SGCD: variants seen among roughly 807,000 people sequenced by gnomAD.
The protein encoded by SGCD is delta-sarcoglycan.
SGCD carries 18 observed loss-of-function variants against 36.6 expected under a neutral mutation model. The ratio of observed to expected loss-of-function variants is 0.49; its 90% CI spans 0.34 to 0.73. The LOEUF is 0.73. Among genes scored for constraint, SGCD ranks in the 30% least tolerant of loss-of-function variants. The pLI, the probability that SGCD is intolerant of heterozygous loss-of-function variation, is 0.01. For missense variants in SGCD, 387 were observed against 346.7 expected, an observed-to-expected ratio of 1.12 and a Z score of -0.92; for synonymous variants, 133 against 130.6, an observed-to-expected ratio of 1.02 and a Z score of -0.12.
chr5:155,767,946 G>T, the SGCD span, among the ~76,000 whole-genome samples: 1 of 152,046 alleles, frequency 6.6e-6, no homozygotes, highest in Non-Finnish European at 1.5e-5. Flanking sequence ...TGGGTGTGGT[G>T]CATCAGTCAT....
intron 4 of SGCD, among the ~76,000 whole-genome samples, chr5:156,565,507 G>A (rs1205628511): frequency 6.6e-6 from 1 of 151,734 alleles, no homozygotes; most frequent in Non-Finnish European, 1.5e-5. Flanking sequence ...TCTTTTGGGG[G>A]GATTTATTCA....
chr5:155,985,319 C>T (rs1758309577), intron 1 of SGCD, among the ~76,000 whole-genome samples: 2 of 152,144 alleles, frequency 1.3e-5, no homozygotes, highest in Non-Finnish European at 2.9e-5. Flanking sequence ...TGCTTTATGG[C>T]TGTTATCCAG....
chr5:156,471,157 T>C, intron 3 of SGCD, among the ~76,000 whole-genome samples: 1 of 152,182 alleles, frequency 6.6e-6, no homozygotes, highest in East Asian at 1.9e-4. Context: ...GAGAGAACTA[T>C]TAAAAGACAT....
chr5:156,323,384 C>T (rs146965770), upstream of SGCD, among the ~76,000 whole-genome samples: 143 of 152,220 alleles, frequency 9.4e-4, 1 homozygote, highest in African/African-American at 2.5e-3. Flanking sequence ...ATCTGAAACA[C>T]GATGGAGAGA....
intron 7 of SGCD, among the ~76,000 whole-genome samples, chr5:156,749,061 G>A (rs1364545049): frequency 6.6e-6 from 1 of 151,918 alleles, no homozygotes; most frequent in Non-Finnish European, 1.5e-5. Context: ...CATTGAGCCC[G>A]GGCTCAATTT....
chr5:156,359,981 C>G (rs1466241956), intron 3 of SGCD, among the ~76,000 whole-genome samples: 2 of 152,174 alleles, frequency 1.3e-5, no homozygotes, highest in African/African-American at 2.4e-5. Flanking sequence ...ATTCTTGGTT[C>G]ATTTTCCATT....
the SGCD span, among the ~76,000 whole-genome samples, chr5:155,748,363 A>AT: frequency 6.6e-6 from 1 of 152,060 alleles, no homozygotes; most frequent in African/African-American, 2.4e-5. Context: ...TAATTTATAT[A>AT]ATATCCTGAT....
At chr5:155,746,043 A>G in the SGCD span, among the ~76,000 whole-genome samples, 1 of 152,212 alleles carries the variant, frequency 6.6e-6, no homozygotes, top group African/African-American at 2.4e-5. Context: ...TTATAAAAAC[A>G]TTGTTTATAA....
At chr5:155,884,061 G>C (rs2113301046) in intron 1 of SGCD, among the ~76,000 whole-genome samples, 1 of 152,204 alleles carries the variant, frequency 6.6e-6, no homozygotes, top group Admixed American at 6.5e-5. Context: ...AATGTTATTA[G>C]CACCTCTATT....
At chr5:156,179,559 A>G (rs914612206) in intron 3 of SGCD, among the ~76,000 whole-genome samples, 23 of 151,980 alleles carry the variant, frequency 1.5e-4, no homozygotes, top group African/African-American at 4.1e-4. Context: ...ATTGCCCTCC[A>G]TATAGATTGT....
At chr5:155,877,535 A>G (rs182343123) in intron 1 of SGCD, among the ~76,000 whole-genome samples, 8 of 152,220 alleles carry the variant, frequency 5.3e-5, no homozygotes, top group African/African-American at 1.9e-4. Flanking sequence ...AGAGGTTATG[A>G]CAGTGCCCAG....
At chr5:156,108,040 A>C (rs1761691703) in intron 1 of SGCD, among the ~76,000 whole-genome samples, 1 of 152,090 alleles carries the variant, frequency 6.6e-6, no homozygotes, top group South Asian at 2.1e-4. Context: ...CATTTTATAA[A>C]AGGAATGAAG....
intron 2 of SGCD, among the ~76,000 whole-genome samples, chr5:156,343,895 A>G (rs554762998): frequency 3.9e-5 from 6 of 152,178 alleles, no homozygotes; most frequent in Non-Finnish European, 8.8e-5. Flanking sequence ...GGTATTTACT[A>G]GACTATCACT....
At chr5:155,996,016 A>C (rs1332786833) in intron 1 of SGCD, among the ~76,000 whole-genome samples, 5 of 87,650 alleles carry the variant, frequency 5.7e-5, no homozygotes, top group African/African-American at 1.5e-4. Context: ...AAGAACTTAC[A>C]AAAAAAAAAA....
the SGCD span, among the ~76,000 whole-genome samples, chr5:155,734,265 G>A: frequency 2.0e-5 from 3 of 151,318 alleles, no homozygotes; most frequent in East Asian, 1.9e-4. Flanking sequence ...GAGTTCAGTG[G>A]TACCATCTTG....
chr5:155,922,670 T>C (rs2113377145), intron 1 of SGCD, among the ~76,000 whole-genome samples: 1 of 152,274 alleles, frequency 6.6e-6, no homozygotes, highest in East Asian at 1.9e-4. Flanking sequence ...TGTGGGTATA[T>C]TTTTCAGCAC....
chr5:155,890,899 G>A (rs953298994), intron 1 of SGCD, among the ~76,000 whole-genome samples: 3 of 152,102 alleles, frequency 2.0e-5, no homozygotes, highest in Non-Finnish European at 4.4e-5. Flanking sequence ...GCCTAGCTTA[G>A]GTCATATGCC....
intron 7 of SGCD, among the ~76,000 whole-genome samples, chr5:156,732,655 T>C (rs956597980): frequency 1.7e-4 from 26 of 152,148 alleles, no homozygotes; most frequent in African/African-American, 6.3e-4. Flanking sequence ...TTTGTCACAG[T>C]TTCAGTAGGA....
chr5:156,435,965 G>A (rs1349570320), intron 3 of SGCD, among the ~76,000 whole-genome samples: 1 of 152,122 alleles, frequency 6.6e-6, no homozygotes, highest in Non-Finnish European at 1.5e-5. Flanking sequence ...CACTCAGTTT[G>A]AATATTCTTT....
Sources: allele counts gnomAD v4.1 joint callset (sites outside exome capture counted in the v4.1 genomes callset), GRCh38; gene constraint gnomAD v4.1.1; transcripts MANE v1.5; gene names NCBI Gene and HGNC (gene_info 2026-07-23, HGNC 2026-07-21).